Variants in RUFY2 observed in about 807,000 individuals in gnomAD.
RUFY2 encodes the protein RUN and FYVE domain containing 2.
RUFY2 carries 49 observed loss-of-function variants against 94.4 expected under a neutral mutation model. The observed-to-expected ratio is 0.52, with a 90% CI of 0.41 to 0.66. RUFY2 has a LOEUF of 0.66. Ranked by LOEUF, RUFY2 falls within the 30% of genes least tolerant of loss-of-function variation. The pLI is 0.00. For synonymous variants in RUFY2, 255 were observed against 235.7 expected (o/e 1.08, Z -0.75); for missense variants, 541 against 692.8 (o/e 0.78, Z 2.46).
At chr10:68,377,104 T>G (rs531845873) in intron 12 of RUFY2, 132 bp from the exon 13 acceptor site, 2 of 1,513,920 alleles carry the variant, frequency 1.3e-6, no homozygotes, top group East Asian at 4.6e-5. Context: ...GGGGGAAAAC[T>G]CACAAACTCA....
At chr10:68,365,172 T>C (rs1272214458) in intron 13 of RUFY2, among the ~76,000 whole-genome samples, 2 of 152,208 alleles carry the variant, frequency 1.3e-5, no homozygotes, top group Non-Finnish European at 2.9e-5. Context: ...ATTTTGTAAT[T>C]CAGGTTGAAG....
downstream of RUFY2, chr10:68,341,265 A>G (rs766079624): frequency 6.2e-7 from 1 of 1,606,678 alleles, no homozygotes; most frequent in East Asian, 2.2e-5. Context: ...TTTGTGACAC[A>G]TGAAGATGCA....
chr10:68,343,471 A>AAAG lies in RUFY2; in HGVS notation c.*2294_*2296dup, dbSNP rs2046090328. On this transcript the variant is annotated 3_prime_UTR_variant, in exon 18 of 18. Transcript: ENST00000602465. ...ACTCTCTTAACATCTTAAAGCAGTAAAAGTATACAGTATTAATGAAACCAA... is the reference window on the plus strand; with the variant it reads ...ACTCTCTTAACATCTTAAAGCAGTAAAAGAAGTATACAGTATTAATGAAACCAA... The AAAG allele has an allele frequency of 6.6e-6, 1 of 152,608 alleles. No individual in the cohort carries two copies. Among genetic ancestry groups the AAAG allele is most frequent in the African/African-American group, 2.4e-5 (1 of 41,460 alleles). The allele number at this position is 152,608 out of a possible 1,614,324, so 9.5% of individuals were successfully genotyped here. A position where few individuals can be genotyped will look rare whatever the true frequency, so the allele number is the denominator to read the frequency against.
intron 10 of RUFY2, among the ~76,000 whole-genome samples, chr10:68,382,058 T>C (rs537075428): frequency 7.3e-5 from 11 of 151,672 alleles, no homozygotes; most frequent in African/African-American, 2.7e-4. Flanking sequence ...TCCTTTTTTT[T>C]TTTTTTTTGA....
chr10:68,376,049 A>C (rs2132673157), intron 13 of RUFY2, among the ~76,000 whole-genome samples: 1 of 142,700 alleles, frequency 7.0e-6, no homozygotes, highest in East Asian at 2.2e-4. Flanking sequence ...GCAGTGAGCC[A>C]CCAAGGTCGT....
intron 13 of RUFY2, among the ~76,000 whole-genome samples, chr10:68,367,095 G>A (rs1449761360): frequency 6.6e-6 from 1 of 151,622 alleles, no homozygotes; most frequent in Non-Finnish European, 1.5e-5. Flanking sequence ...TTGAACCCAG[G>A]AGGCGGAGGC....
chr10:68,397,956 G>A (rs950886916), intron 3 of RUFY2, among the ~76,000 whole-genome samples: 3 of 151,254 alleles, frequency 2.0e-5, no homozygotes, highest in Non-Finnish European at 4.4e-5. Context: ...GTGAAACCCC[G>A]TCTCTACTAA....
intron 16 of RUFY2, among the ~76,000 whole-genome samples, chr10:68,351,432 A>C (rs2046665431): frequency 2.9e-5 from 4 of 137,272 alleles, no homozygotes; most frequent in African/African-American, 1.1e-4. Context: ...CACCACGCCC[A>C]ACCTCCACCC....
chr10:68,354,633 C>A (rs2046919519), intron 16 of RUFY2, among the ~76,000 whole-genome samples: 1 of 152,138 alleles, frequency 6.6e-6, no homozygotes, highest in Non-Finnish European at 1.5e-5. Context: ...CATGTATTAA[C>A]CTACTCAATA....
chr10:68,393,597 C>A (rs533069651), intron 6 of RUFY2, among the ~76,000 whole-genome samples: 2 of 151,792 alleles, frequency 1.3e-5, no homozygotes, highest in African/African-American at 4.8e-5. Context: ...GGCATGGTGG[C>A]GGGTGCCTGT....
intron 15 of RUFY2, among the ~76,000 whole-genome samples, chr10:68,361,065 T>C (rs535723793): frequency 6.9e-4 from 105 of 152,144 alleles, no homozygotes; most frequent in African/African-American, 2.4e-3. Context: ...GCAGATCACC[T>C]GAGGTCAGGA....
intron 13 of RUFY2, among the ~76,000 whole-genome samples, chr10:68,371,586 G>A (rs188813333): frequency 3.4e-5 from 5 of 145,594 alleles, no homozygotes; most frequent in Admixed American, 7.1e-5. Context: ...GCGAGACTCC[G>A]CCTCAAAAAA....
downstream of RUFY2, chr10:68,342,171 C>A: frequency 1.5e-6 from 1 of 662,386 alleles, no homozygotes; most frequent in Non-Finnish European, 2.4e-6. Context: ...AATGTGTTTT[C>A]AAAATATTAT....
chr10:68,400,874 G>A (rs897582327), intron 3 of RUFY2, among the ~76,000 whole-genome samples: 9 of 150,810 alleles, frequency 6.0e-5, no homozygotes, highest in Admixed American at 2.0e-4. Flanking sequence ...TTAGCCGGGC[G>A]TGGTGGCGGG....
chr10:68,366,632 T>C (rs906726816), intron 13 of RUFY2, among the ~76,000 whole-genome samples: 2 of 148,234 alleles, frequency 1.3e-5, no homozygotes, highest in Non-Finnish European at 3.0e-5. Context: ...ATCCCAGCTA[T>C]TCAGGAGGCT....
At chr10:68,346,359 G>C (rs2046273664) in intron 16 of RUFY2, 3 of 320,356 alleles carry the variant, frequency 9.4e-6, no homozygotes, top group Non-Finnish European at 1.7e-5. Context: ...GGGAGGCTGA[G>C]GTGAGAGGAT....
At chr10:68,392,392 T>C (rs1027281978) in intron 7 of RUFY2, among the ~76,000 whole-genome samples, 1 of 152,170 alleles carries the variant, frequency 6.6e-6, no homozygotes, top group Non-Finnish European at 1.5e-5. Flanking sequence ...TCAAAAATTC[T>C]TCTCAACAAG....
chr10:68,376,826 A>G, intron 13 of RUFY2, 27 bp downstream of exon 13: 1 of 1,605,784 alleles, frequency 6.2e-7, no homozygotes, highest in Non-Finnish European at 8.5e-7. Context: ...TAACACAAGT[A>G]TTTGTTTCTG....
chr10:68,365,663 T>C (rs2132510416), intron 13 of RUFY2, among the ~76,000 whole-genome samples: 2 of 152,364 alleles, frequency 1.3e-5, no homozygotes, highest in Admixed American at 1.3e-4. Flanking sequence ...TTAGAAGTGT[T>C]CTGGTCTTTA....
Sources: allele counts gnomAD v4.1 joint callset (sites outside exome capture counted in the v4.1 genomes callset), GRCh38; gene constraint gnomAD v4.1.1; transcripts MANE v1.5; gene names NCBI Gene and HGNC (gene_info 2026-07-23, HGNC 2026-07-21).